The following STXBP5 variants were observed in gnomAD, a reference collection of about 807,000 sequenced individuals.
The protein encoded by STXBP5 is syntaxin binding protein 5, also known as syntaxin-binding protein 5.
In STXBP5, 50 loss-of-function variants were observed where a neutral mutation model predicts 152.4. The observed-to-expected ratio is 0.33, with a 90% CI of 0.26 to 0.42. STXBP5 has a LOEUF of 0.42. STXBP5 is among the 10% of genes least tolerant of loss of function. STXBP5 has a pLI of 1.00. For missense variants in STXBP5, 1,167 were observed against 1,388.6 expected, an observed-to-expected ratio of 0.84 and a Z score of 2.54; for synonymous variants, 492 against 494.7, an observed-to-expected ratio of 0.99 and a Z score of 0.07.
chr6:147,362,420 G>A (rs1475975687), intron 23 of STXBP5, among the ~76,000 whole-genome samples: 1 of 152,140 alleles, frequency 6.6e-6, no homozygotes, highest in East Asian at 1.9e-4. Context: ...AGTTTACTCA[G>A]AAGTGAGCAT....
At chr6:147,329,512 A>G (rs909058866) in intron 18 of STXBP5, among the ~76,000 whole-genome samples, 2 of 150,812 alleles carry the variant, frequency 1.3e-5, no homozygotes, top group African/African-American at 4.8e-5. Flanking sequence ...AATGATTGGT[A>G]TAAAAATTCT....
intron 9 of STXBP5, among the ~76,000 whole-genome samples, chr6:147,302,548 G>A (rs79211856): frequency 0.017 from 2,530 of 152,244 alleles, 60 homozygotes; most frequent in African/African-American, 0.057. Flanking sequence ...CAGGCATGGT[G>A]CCTCATGCCT....
intron 16 of STXBP5, among the ~76,000 whole-genome samples, chr6:147,322,187 A>C (rs560655601): frequency 1.5e-4 from 23 of 152,206 alleles, no homozygotes; most frequent in Non-Finnish European, 3.1e-4. Flanking sequence ...TCATAGAAGT[A>C]GAAGATAGAC....
chr6:147,209,995 A>G (rs1314757725), intron 2 of STXBP5, among the ~76,000 whole-genome samples: 1 of 152,208 alleles, frequency 6.6e-6, no homozygotes. Context: ...AATCATAGTT[A>G]TGTAATAGGA....
intron 17 of STXBP5, among the ~76,000 whole-genome samples, chr6:147,325,369 T>C (rs970469337): frequency 2.0e-5 from 3 of 152,126 alleles, no homozygotes; most frequent in African/African-American, 7.2e-5. Flanking sequence ...CTAAATATAC[T>C]CCCAGAAATA....
chr6:147,320,989 C>A (rs1247119998), intron 16 of STXBP5, among the ~76,000 whole-genome samples: 1 of 152,064 alleles, frequency 6.6e-6, no homozygotes, highest in African/African-American at 2.4e-5. Context: ...TACTAAAGGA[C>A]CAATTTTTGG....
chr6:147,242,343 A>G (rs1281428428), intron 4 of STXBP5, among the ~76,000 whole-genome samples: 1 of 152,116 alleles, frequency 6.6e-6, no homozygotes, highest in Non-Finnish European at 1.5e-5. Flanking sequence ...TTATGACGTA[A>G]AGTTTACAGT....
At chr6:147,230,931 C>T (rs999151337) in intron 2 of STXBP5, among the ~76,000 whole-genome samples, 1 of 151,634 alleles carries the variant, frequency 6.6e-6, no homozygotes, top group Non-Finnish European at 1.5e-5. Context: ...TCTCAGCTTC[C>T]GTGATGATGC....
chr6:147,327,544 T>C (rs1484633916), intron 18 of STXBP5, among the ~76,000 whole-genome samples: 1 of 152,084 alleles, frequency 6.6e-6, no homozygotes, highest in African/African-American at 2.4e-5. Context: ...TGGGCTCAGG[T>C]GATCCTCCCA....
Position 147,313,870 on chromosome 6 carries a change from TTCTGTTGTTAAA to T in STXBP5, c.1146-13_1146-2del. ...ATTAAATTAATAAATACTTTTCTTTTTCTGTTGTTAAAGATATCCTATATTTGAAAATCCCTA... is the reference window on the plus strand; with the variant it reads ...ATTAAATTAATAAATACTTTTCTTTTGATATCCTATATTTGAAAATCCCTA... On this transcript the variant is annotated splice_acceptor_variant and splice_polypyrimidine_tract_variant and intron_variant, in intron 11 of 27. Transcript: ENST00000321680. LOFTEE classifies it high-confidence loss of function. The T allele has an allele frequency of 1.4e-6, 2 of 1,474,286 alleles. No individual in the cohort carries two copies. The highest frequency in any genetic ancestry group is 1.8e-6 in the Non-Finnish European group (2 of 1,084,848). 91.3% of individuals were successfully genotyped at this position (1,474,286 alleles called of 1,614,324 possible). A position where few individuals can be genotyped will look rare whatever the true frequency, so the allele number is the denominator to read the frequency against.
At chr6:147,227,930 A>T (rs1777804021) in intron 2 of STXBP5, among the ~76,000 whole-genome samples, 1 of 151,782 alleles carries the variant, frequency 6.6e-6, no homozygotes, top group Non-Finnish European at 1.5e-5. Flanking sequence ...GGCTGCTGTC[A>T]TCTCATGCTT....
Position 147,387,836 on chromosome 6 carries a change from G to A in STXBP5, c.*3081G>A, listed in dbSNP as rs918204228. 5 of 151,224 alleles carry A rather than the reference G, an allele frequency of 3.3e-5. No individual in the cohort carries two copies. The highest frequency in any genetic ancestry group is 1.2e-4 in the African/African-American group (5 of 41,220). 9.4% of individuals were successfully genotyped at this position (151,224 alleles called of 1,614,324 possible). A position where few individuals can be genotyped will look rare whatever the true frequency, so the allele number is the denominator to read the frequency against. On this transcript the variant is annotated 3_prime_UTR_variant, in exon 28 of 28. Coordinates refer to ENST00000321680, the MANE Select transcript of STXBP5 (RefSeq NM_001127715.4). Reference sequence around the variant, plus strand: ...TCTTAATTGTAGGTTCCTCTGAAGCGATTTCATGTAGATATGTGAGTGTTT... The same window carrying A: ...TCTTAATTGTAGGTTCCTCTGAAGCAATTTCATGTAGATATGTGAGTGTTT...
At chr6:147,315,821 T>A (rs1475646734) in intron 15 of STXBP5, 86 bp downstream of exon 15, 3 of 1,282,850 alleles carry the variant, frequency 2.3e-6, no homozygotes, top group Non-Finnish European at 3.3e-6. Flanking sequence ...CTTTTTGCAG[T>A]CAGTTTTGTG....
intron 10 of STXBP5, among the ~76,000 whole-genome samples, chr6:147,310,686 T>C (rs1370608084): frequency 6.6e-6 from 1 of 152,080 alleles, no homozygotes; most frequent in Admixed American, 6.6e-5. Flanking sequence ...AATCTATAGA[T>C]TGAAATTTCA....
chr6:147,282,340 G>T (rs1036860172), intron 8 of STXBP5, among the ~76,000 whole-genome samples: 1 of 152,166 alleles, frequency 6.6e-6, no homozygotes, highest in Admixed American at 6.5e-5. Flanking sequence ...CAAACAAAAG[G>T]TGATAGGTCC....
At chr6:147,263,219 T>A (rs936421573) in intron 6 of STXBP5, among the ~76,000 whole-genome samples, 12 of 152,028 alleles carry the variant, frequency 7.9e-5, no homozygotes, top group African/African-American at 2.7e-4. Flanking sequence ...TAGCATTGTT[T>A]TAAAAGCCAA....
intron 9 of STXBP5, among the ~76,000 whole-genome samples, chr6:147,304,781 A>G (rs1490551405): frequency 2.0e-5 from 3 of 152,184 alleles, no homozygotes; most frequent in African/African-American, 7.2e-5. Context: ...AAAGGAGATC[A>G]TTTTGGAAAT....
intron 2 of STXBP5, among the ~76,000 whole-genome samples, chr6:147,222,718 G>A (rs1319582286): frequency 6.6e-6 from 1 of 152,162 alleles, no homozygotes; most frequent in Non-Finnish European, 1.5e-5. Flanking sequence ...AAAAATGGTT[G>A]CCTTTTCTCT....
chr6:147,341,983 C>A (rs376224652), intron 21 of STXBP5, among the ~76,000 whole-genome samples: 4 of 152,262 alleles, frequency 2.6e-5, no homozygotes, highest in Admixed American at 2.6e-4. Context: ...TTTGTTGGTA[C>A]ACAGCTAATA....
Sources: gnomAD v4.1 joint callset for allele counts (sites outside exome capture counted in the v4.1 genomes callset) on GRCh38, gnomAD v4.1.1 for gene constraint, MANE v1.5 for transcripts, NCBI Gene and HGNC (gene_info 2026-07-23, HGNC 2026-07-21) for gene names.